Variants in PCDHA12 observed in about 807,000 individuals in gnomAD.
PCDHA12 encodes protocadherin alpha-12.
PCDHA12 carries 44 observed loss-of-function variants against 60.0 expected under a neutral mutation model. The ratio of observed to expected loss-of-function variants is 0.73; its 90% CI spans 0.58 to 0.94. PCDHA12 has a LOEUF of 0.94. Ranked by LOEUF, PCDHA12 falls within the 40% of genes least tolerant of loss-of-function variation. The pLI is 0.00. For missense variants in PCDHA12, 1,276 were observed against 1,239.7 expected (o/e 1.03, Z -0.44); for synonymous variants, 569 against 553.0 (o/e 1.03, Z -0.40).
chr5:140,983,399 G>C (rs1486206101), intron 3 of PCDHA12, among the ~76,000 whole-genome samples: 1 of 152,148 alleles, frequency 6.6e-6, no homozygotes, highest in East Asian at 1.9e-4. Context: ...TTTCAGAAAG[G>C]GAAGATTAAG....
intron 3 of PCDHA12, among the ~76,000 whole-genome samples, chr5:140,990,502 A>T (rs1303617067): frequency 6.6e-6 from 1 of 152,164 alleles, no homozygotes; most frequent in African/African-American, 2.4e-5. Context: ...ACATTCCCCA[A>T]GTCTTCTCTC....
At chr5:140,883,655 T>A (rs782178754) in intron 1 of PCDHA12, 7 of 1,613,000 alleles carry the variant, frequency 4.3e-6, no homozygotes, top group African/African-American at 1.3e-5. Context: ...GTACACGGTG[T>A]TCGTGAAGGA....
In PCDHA12 at chr5:140,968,377, T is replaced by C. The variant is rs1461765123; in HGVS notation, c.2368-10572T>C. 2.5e-6 allele frequency: 4 copies of C among 1,613,962 alleles called. No individual in the cohort carries two copies. In the African/African-American group the frequency reaches 4.0e-5, roughly 16 times the overall value. ...GCAGCCTTTATGCTGTCAACTCCTT[T>C]GACTATGAGAAGTTTCGGGAGTTCT... On this transcript the variant is annotated intron_variant, in intron 1 of 3. Transcript: ENST00000398631.
Position 140,881,064 on chromosome 5 carries a change from T to C in PCDHA12, c.2367+3225T>C, listed in dbSNP as rs191524582. On this transcript the variant is annotated intron_variant, in intron 1 of 3. Transcript: ENST00000398631. ...AGAGTTGTGCACAGAACAGGCCAGA[T>C]AATTATTGGAGCTATGATATATTTT... Among the ~76,000 whole-genome samples, 392 of 152,302 alleles carry C rather than the reference T, an allele frequency of 2.6e-3. 1 individual carries two copies. The highest frequency in any genetic ancestry group is 9.1e-3 in the African/African-American group (379 of 41,556).
chr5:140,993,293 A>G (rs1445204823), intron 3 of PCDHA12, among the ~76,000 whole-genome samples: 1 of 152,062 alleles, frequency 6.6e-6, no homozygotes, highest in African/African-American at 2.4e-5. Flanking sequence ...CAGGGTCACA[A>G]CCTTGCCTCC....
At chr5:140,943,515 G>C (rs2093511975) in intron 1 of PCDHA12, among the ~76,000 whole-genome samples, 1 of 152,100 alleles carries the variant, frequency 6.6e-6, no homozygotes, top group African/African-American at 2.4e-5. Context: ...TGGAAATGTT[G>C]AGTTCAGTAT....
rs1269379462 is a variant in PCDHA12, at chr5:141,005,696, C to T, written c.2516-3931C>T. 3.0e-4 allele frequency among the ~76,000 whole-genome samples: 31 copies of T among 105,030 alleles called. No individual in the cohort carries two copies. In the East Asian group the frequency reaches 8.2e-3, roughly 28 times the overall value. 68.9% of individuals were successfully genotyped at this position (105,030 alleles called of 152,430 possible). ...CAGCCTGGGCGACAGAGCGAAACTC[C>T]GTCTCAAAAAAAAAAAAAAAAAAAA... is the stretch of plus-strand genomic sequence containing the variant. On this transcript the variant is annotated intron_variant, in intron 3 of 3. Transcript: ENST00000398631.
chr5:141,010,291 G>A lies in PCDHA12; in HGVS notation c.*354G>A. ...GGATCCTGTCTTGATGACACTTGCA[G>A]GGCAGGCTGAAAAGTTTTGAGATTG... On this transcript the variant is annotated 3_prime_UTR_variant, in exon 4 of 4. Coordinates refer to ENST00000398631, the MANE Select transcript of PCDHA12 (RefSeq NM_018903.4). 1.3e-6 allele frequency: 2 copies of A among 1,549,990 alleles called. No individual in the cohort carries two copies. The highest frequency in any genetic ancestry group is 1.2e-5 in the South Asian group (1 of 83,762).
Position 140,875,803 on chromosome 5 carries a change from G to C in PCDHA12, c.331G>C (p.Asp111His), listed in dbSNP as rs370212231. Residue 111 changes from aspartate (D) to histidine (H), a missense_variant, in exon 1 of 4, where the codon GAC (aspartate) becomes CAC (histidine). Transcript: ENST00000398631. ...CAGTATCCACCTGGAGGTGATCGTG[G>C]ACAGGCCGCTGCAGGTTTTCCATGT... ...ECSIHLEVIV[D>H]RPLQVFHVDV... 17 of 1,614,218 alleles carry C rather than the reference G, an allele frequency of 1.1e-5. No homozygotes were observed. Among genetic ancestry groups the C allele is most frequent in the Non-Finnish European group, 1.4e-5 (17 of 1,180,042 alleles).
intron 1 of PCDHA12, among the ~76,000 whole-genome samples, chr5:140,925,606 C>A (rs1554202814): frequency 1.3e-5 from 2 of 150,882 alleles, no homozygotes; most frequent in African/African-American, 4.9e-5. Context: ...TGTAACAAAC[C>A]TGCACGTTGT....
At position 140,998,569 on chromosome 5, in the gene PCDHA12, G is replaced by GTTT. The variant is rs71574497; in HGVS notation, c.2516-11048_2516-11046dup. ...TTAATGTCTAATTTATTGTAAATAA[G>GTTT]TTTTTTTTTTTTGAGACAGAGTTTT... On this transcript the variant is annotated intron_variant, in intron 3 of 3. Transcript: ENST00000398631. Among the ~76,000 whole-genome samples, 105 of 149,398 alleles carry GTTT rather than the reference G, an allele frequency of 7.0e-4. 1 individual carries two copies. Among genetic ancestry groups the GTTT allele is most frequent in the Middle Eastern group, 3.4e-3 (1 of 292 alleles).
At position 140,876,131 on chromosome 5, in the gene PCDHA12, C is replaced by G; in HGVS notation, c.659C>G (p.Pro220Arg). The change falls in exon 1 of 4, where the codon CCA becomes CGA. Residue 220 changes from proline to arginine, a missense_variant. Coordinates refer to ENST00000398631, the MANE Select transcript of PCDHA12 (RefSeq NM_018903.4). ...LLLMVIDGGK[P>R]ELTGSVQIQI... is the part of the protein sequence containing the mutation. The stretch of plus-strand genomic sequence containing the variant: ...CTGATGGTAATCGATGGCGGTAAAC[C>G]AGAACTAACAGGGTCTGTCCAGATT... 1.9e-6 allele frequency: 3 copies of G among 1,613,872 alleles called. No homozygotes were observed. Among genetic ancestry groups the G allele is most frequent in the Non-Finnish European group, 2.5e-6 (3 of 1,179,902 alleles).
chr5:140,999,603 G>C (rs552647484), intron 3 of PCDHA12, among the ~76,000 whole-genome samples: 1 of 152,246 alleles, frequency 6.6e-6, no homozygotes, highest in South Asian at 2.1e-4. Flanking sequence ...TACATCCTGG[G>C]GGACCTTATC....
chr5:140,979,870 A>G (rs376036380), intron 2 of PCDHA12, among the ~76,000 whole-genome samples: 2 of 152,388 alleles, frequency 1.3e-5, no homozygotes, highest in South Asian at 2.1e-4. Context: ...TATCTGGGCA[A>G]CTATCAAGTG....
intron 1 of PCDHA12, among the ~76,000 whole-genome samples, chr5:140,895,220 A>C (rs1044682871): frequency 6.6e-6 from 1 of 152,158 alleles, no homozygotes; most frequent in Non-Finnish European, 1.5e-5. Context: ...CTAATATTTT[A>C]CTGAGTTTTC....
rs1404065760 is a variant in PCDHA12 at position 140,876,063 on chromosome 5, G to T, written c.591G>T (p.Arg197=). 6.2e-7 allele frequency: 1 copy of T among 1,613,860 alleles called. No homozygotes were observed. The highest frequency in any genetic ancestry group is 2.2e-5 in the East Asian group (1 of 44,888). The change falls in exon 1 of 4, where the codon CGG becomes CGT. Residue 197 remains arginine, a synonymous_variant. Transcript: ENST00000398631. Reference sequence around the variant, plus strand: ...GTATATTGCCTGAATTAGTTCTTCGGAAGTTATTGGACAGAGAGCAAACGC... The same window carrying T: ...GTATATTGCCTGAATTAGTTCTTCGTAAGTTATTGGACAGAGAGCAAACGC... ...DKSILPELVL[R]KLLDREQTPK...
chr5:140,978,906 T>C, intron 1 of PCDHA12, 43 bp from the exon 2 acceptor site: 1 of 1,613,530 alleles, frequency 6.2e-7, no homozygotes, highest in Non-Finnish European at 8.5e-7. Flanking sequence ...GGGAGAACAT[T>C]GTCTTGTCAT....
chr5:140,980,057 C>T (rs559895684), intron 2 of PCDHA12, among the ~76,000 whole-genome samples: 2 of 152,272 alleles, frequency 1.3e-5, no homozygotes, highest in East Asian at 3.9e-4. Context: ...GATTCAGAAG[C>T]AATCAGTGAA....
At chr5:140,971,640 A>G (rs2096489850) in intron 1 of PCDHA12, among the ~76,000 whole-genome samples, 1 of 152,184 alleles carries the variant, frequency 6.6e-6, no homozygotes, top group Non-Finnish European at 1.5e-5. Context: ...CCATGTGCCT[A>G]CATTAAAAGT....
Sources: gnomAD v4.1 joint callset for allele counts (sites outside exome capture counted in the v4.1 genomes callset) on GRCh38, gnomAD v4.1.1 for gene constraint, MANE v1.5 for transcripts, NCBI Gene and HGNC (gene_info 2026-07-23, HGNC 2026-07-21) for gene names.